The following CELF4 variants were observed in gnomAD, a reference collection of about 807,000 sequenced individuals.
CELF4 encodes CUGBP Elav-like family member 4.
Under a neutral mutation model 59.9 loss-of-function variants are expected in CELF4, and 18 were observed. That is an observed-to-expected ratio of 0.30 (90% CI 0.21 to 0.45). The LOEUF (loss-of-function observed/expected upper bound fraction) is 0.45. Ranked by LOEUF, CELF4 falls within the 20% of genes least tolerant of loss-of-function variation. The pLI is 1.00. For synonymous variants in CELF4, 261 were observed against 267.1 expected (o/e 0.98, Z 0.22); for missense variants, 456 against 689.0 (o/e 0.66, Z 3.79).
intron 2 of CELF4, among the ~76,000 whole-genome samples, chr18:37,357,195 T>G (rs74832874): frequency 0.014 from 2,083 of 152,210 alleles, 19 homozygotes; most frequent in Middle Eastern, 0.031. Context: ...CGCAGGCCTG[T>G]GAAGGTCTGA....
chr18:37,343,289 A>C (rs1419032941), intron 2 of CELF4, among the ~76,000 whole-genome samples: 1 of 145,224 alleles, frequency 6.9e-6, no homozygotes, highest in African/African-American at 2.5e-5. Context: ...CCCTGTGTGC[A>C]TTTGGGTGTG....
At chr18:37,297,899 C>T (rs1047287489) in intron 3 of CELF4, among the ~76,000 whole-genome samples, 2 of 147,726 alleles carry the variant, frequency 1.4e-5, no homozygotes, top group Admixed American at 6.6e-5. Flanking sequence ...GCCCTCTGGC[C>T]GTCAAGTTAG....
intron 7 of CELF4, among the ~76,000 whole-genome samples, chr18:37,271,300 G>A (rs1442937650): frequency 8.6e-6 from 1 of 116,294 alleles, no homozygotes; most frequent in Admixed American, 1.2e-4. Context: ...TGCCCAGGTT[G>A]CTGGAGTACA....
intron 1 of CELF4, among the ~76,000 whole-genome samples, chr18:37,555,836 A>G (rs2099984613): frequency 6.6e-6 from 1 of 152,176 alleles, no homozygotes; most frequent in Admixed American, 6.5e-5. Flanking sequence ...TGTTGCATGA[A>G]CTGGTGTGGG....
intron 3 of CELF4, among the ~76,000 whole-genome samples, chr18:37,287,693 C>T (rs2094933189): frequency 6.6e-6 from 1 of 152,156 alleles, no homozygotes; most frequent in Admixed American, 6.5e-5. Flanking sequence ...CTGCTGCCCA[C>T]CCCAAGGAAC....
chr18:37,424,042 T>A (rs1471089651), intron 2 of CELF4, among the ~76,000 whole-genome samples: 2 of 151,960 alleles, frequency 1.3e-5, no homozygotes, highest in Non-Finnish European at 2.9e-5. Context: ...AACTTCCTGC[T>A]CCATGCACTT....
chr18:37,315,317 G>C (rs2096830026), intron 3 of CELF4, among the ~76,000 whole-genome samples: 1 of 152,080 alleles, frequency 6.6e-6, no homozygotes, highest in African/African-American at 2.4e-5. Flanking sequence ...CAGAAACACA[G>C]ACAAGATGAG....
chr18:37,470,366 C>T (rs1186854057), intron 2 of CELF4, among the ~76,000 whole-genome samples: 1 of 152,182 alleles, frequency 6.6e-6, no homozygotes. Flanking sequence ...AACTTGGAAG[C>T]ACTGTTGGGT....
At position 37,321,884 on chromosome 18, in the gene CELF4, G is replaced by A. The variant is rs1476973523; in HGVS notation, c.370-3C>T. 1 of 1,612,384 alleles carries A rather than the reference G, an allele frequency of 6.2e-7. No homozygotes were observed. The highest frequency in any genetic ancestry group is 8.5e-7 in the Non-Finnish European group (1 of 1,178,982). On this transcript the variant is annotated splice_region_variant and splice_polypyrimidine_tract_variant and intron_variant, in intron 2 of 12. Coordinates refer to ENST00000420428, the MANE Select transcript of CELF4 (RefSeq NM_020180.4). The stretch of plus-strand genomic sequence containing the variant: ...TTCACCTGGATCGGCCGGTTCATCT[G>A]CAACAGAGCAGAGGGGGACAGCATT...
At chr18:37,561,832 T>C (rs1190219271) in intron 1 of CELF4, among the ~76,000 whole-genome samples, 3 of 152,198 alleles carry the variant, frequency 2.0e-5, no homozygotes, top group South Asian at 2.1e-4. Flanking sequence ...GGAATTCATC[T>C]CTTTTCTCTT....
At chr18:37,524,596 G>C (rs2099961383) in intron 1 of CELF4, among the ~76,000 whole-genome samples, 1 of 152,050 alleles carries the variant, frequency 6.6e-6, no homozygotes, top group Admixed American at 6.5e-5. Flanking sequence ...CCCCGGAGCG[G>C]GAAGATCCAC....
chr18:37,321,890 G>A lies in CELF4; in HGVS notation c.370-9C>T. The A allele has an allele frequency of 6.2e-7, 1 of 1,611,230 alleles. No homozygotes were observed. Among genetic ancestry groups the A allele is most frequent in the South Asian group, 1.1e-5 (1 of 90,700 alleles). On this transcript the variant is annotated splice_polypyrimidine_tract_variant and intron_variant, in intron 2 of 12. Transcript: ENST00000420428. ...TGGATCGGCCGGTTCATCTGCAACA[G>A]AGCAGAGGGGGACAGCATTATAGCA...
At chr18:37,349,698 C>A (rs575418908) in intron 2 of CELF4, among the ~76,000 whole-genome samples, 3 of 152,274 alleles carry the variant, frequency 2.0e-5, no homozygotes, top group African/African-American at 7.2e-5. Flanking sequence ...GCCAGCCCAT[C>A]GGAACCACAG....
Position 37,485,662 on chromosome 18 carries a change from G to A in CELF4, c.287-55C>T. ...TCAGTGGGGCGCCCCCGGGCCCGCCGACGCGCCCTGCCGCCCGCCCTCCAG... is the reference window on the plus strand; with the variant it reads ...TCAGTGGGGCGCCCCCGGGCCCGCCAACGCGCCCTGCCGCCCGCCCTCCAG... On this transcript the variant is annotated intron_variant, in intron 1 of 12. Transcript: ENST00000420428. The A allele has an allele frequency of 2.5e-6, 3 of 1,207,130 alleles. No homozygotes were observed. The Admixed American group carries it at 1.1e-4, about 45-fold the overall frequency. The allele number at this position is 1,207,130 out of a possible 1,614,324, so 74.8% of individuals were successfully genotyped here. A position where few individuals can be genotyped will look rare whatever the true frequency, so the allele number is the denominator to read the frequency against.
chr18:37,270,977 G>A (rs1275367010), intron 7 of CELF4, 60 bp from the exon 8 acceptor site: 49 of 1,427,438 alleles, frequency 3.4e-5, no homozygotes, highest in Non-Finnish European at 4.1e-5. Context: ...CAAAGGTGAG[G>A]AAGGCCCACC....
chr18:37,421,649 C>T (rs2099579006), intron 2 of CELF4, among the ~76,000 whole-genome samples: 1 of 152,240 alleles, frequency 6.6e-6, no homozygotes, highest in Admixed American at 6.5e-5. Context: ...CCTGAGCACA[C>T]AGTGGGGGCT....
At chr18:37,472,483 G>A (rs1474193924) in intron 2 of CELF4, among the ~76,000 whole-genome samples, 2 of 152,266 alleles carry the variant, frequency 1.3e-5, no homozygotes, top group Non-Finnish European at 2.9e-5. Flanking sequence ...AAGAGTGGCA[G>A]CTGTAGAGAA....
chr18:37,380,744 C>T (rs2099028287), intron 2 of CELF4, among the ~76,000 whole-genome samples: 1 of 146,178 alleles, frequency 6.8e-6, no homozygotes, highest in Non-Finnish European at 1.5e-5. Flanking sequence ...ATCCAGTCAT[C>T]CATCCATCCA....
intron 2 of CELF4, among the ~76,000 whole-genome samples, chr18:37,455,901 T>G (rs2099776819): frequency 6.6e-6 from 1 of 152,160 alleles, no homozygotes; most frequent in African/African-American, 2.4e-5. Context: ...CCTCCTTCCT[T>G]TGGAGCCTGT....
Sources: allele counts gnomAD v4.1 joint callset (sites outside exome capture counted in the v4.1 genomes callset), GRCh38; gene constraint gnomAD v4.1.1; transcripts MANE v1.5; gene names NCBI Gene and HGNC (gene_info 2026-07-23, HGNC 2026-07-21).